The following AKAP8L variants were observed in gnomAD, a reference collection of about 807,000 sequenced individuals.
AKAP8L encodes the protein A-kinase anchor protein 8-like.
Under a neutral mutation model 77.5 loss-of-function variants are expected in AKAP8L, and 34 were observed. The ratio of observed to expected loss-of-function variants is 0.44; its 90% CI spans 0.33 to 0.58. The LOEUF (loss-of-function observed/expected upper bound fraction) is 0.58, where lower values mean the gene tolerates loss of function less well. Among genes scored for constraint, AKAP8L ranks in the 20% least tolerant of loss-of-function variants. The pLI is 0.02. For missense variants in AKAP8L, 806 were observed against 887.6 expected (o/e 0.91, Z 1.17); for synonymous variants, 342 against 340.7 (o/e 1.00, Z -0.04).
intron 12 of AKAP8L, among the ~76,000 whole-genome samples, chr19:15,385,671 C>T (rs556688623): frequency 2.6e-5 from 4 of 152,118 alleles, no homozygotes; most frequent in Admixed American, 6.5e-5. Flanking sequence ...ACGATCACAG[C>T]TCATTGCAGC....
Position 15,380,201 on chromosome 19 carries a change from C to T in AKAP8L, c.1862G>A (p.Gly621Glu). The change falls in exon 14 of 14, where the codon GGG becomes GAG. Residue 621 changes from glycine (G) to glutamate (E), a missense_variant. Physicochemically the swap from Gly to Glu is moderately conservative, Grantham distance 98 (BLOSUM62 -2). Around this residue, in one of 2 missense-constraint regions of AKAP8L, gnomAD observed 226 missense variants for 193.5 expected, o/e 1.17. Transcript: ENST00000397410. ...GCCGCGGATCTGGCGTTGCAGCGCC[C>T]CTCCCAGCAAGGGCACGGCGCCCTC... ...EEEGAVPLLG[G>E]ALQRQIRGIP... 2 of 1,507,932 alleles carry T rather than the reference C, an allele frequency of 1.3e-6. No individual in the cohort carries two copies. The highest frequency in any genetic ancestry group is 4.2e-5 in the Admixed American group (2 of 47,798). The allele number at this position is 1,507,932 out of a possible 1,614,324, so 93.4% of individuals were successfully genotyped here.
Position 15,401,743 on chromosome 19 carries a change from TAA to T in AKAP8L, c.363-142_363-141del. The T allele has an allele frequency of 1.4e-6, 1 of 689,754 alleles. No individual in the cohort carries two copies. The highest frequency in any genetic ancestry group is 2.9e-5 in the Admixed American group (1 of 34,296). 42.7% of individuals were successfully genotyped at this position (689,754 alleles called of 1,614,324 possible). A position where few individuals can be genotyped will look rare whatever the true frequency, so the allele number is the denominator to read the frequency against. On this transcript the variant is annotated intron_variant, in intron 4 of 13. Coordinates refer to ENST00000397410, the MANE Select transcript of AKAP8L (RefSeq NM_014371.4). The surrounding 1 kb of genome is among the most constrained non-coding windows in gnomAD (Gnocchi z 6.2). The stretch of plus-strand genomic sequence containing the variant: ...AGGCTCAATGTTCAGAAATGCCGAT[TAA>T]AGAGTTCCAGCCTCTCAGCTGATAT...
chr19:15,409,002 T>C (rs539535248), intron 2 of AKAP8L, among the ~76,000 whole-genome samples: 74 of 152,244 alleles, frequency 4.9e-4, no homozygotes, highest in Non-Finnish European at 1.0e-3. Context: ...GCACACCTTG[T>C]AGAAAAATTA....
At chr19:15,411,120 A>T (rs1413379376) in intron 1 of AKAP8L, among the ~76,000 whole-genome samples, 4 of 152,126 alleles carry the variant, frequency 2.6e-5, no homozygotes, top group Non-Finnish European at 5.9e-5. Context: ...GGCCCCAAAT[A>T]AAAATTTTTA....
In AKAP8L at chr19:15,401,017, G is replaced by T. The variant is rs748554800; in HGVS notation, c.843C>A (p.Gly281=). 3 of 1,613,726 alleles carry T rather than the reference G, an allele frequency of 1.9e-6. No homozygotes were observed. The highest frequency in any genetic ancestry group is 4.5e-5 in the East Asian group (2 of 44,874). The change falls in exon 6 of 14, where the codon GGC becomes GGA. Residue 281 remains glycine (G), a synonymous_variant. Coordinates refer to ENST00000397410, the MANE Select transcript of AKAP8L (RefSeq NM_014371.4). This position sits in a 1 kb window ranked among gnomAD's most constrained non-coding sequence, Gnocchi z 6.2. ...FRTKKKKRKQ[G]GSPDEPDSKA... is the part of the protein sequence containing the mutation. ...TGCTATCTGGCTCATCAGGACTGCCGCCCTGCTTTCTCTTCTTCTTCTTGG... is the reference window on the plus strand; with the variant it reads ...TGCTATCTGGCTCATCAGGACTGCCTCCCTGCTTTCTCTTCTTCTTCTTGG...
At chr19:15,389,050 TAA>T (rs71176409) in intron 12 of AKAP8L, among the ~76,000 whole-genome samples, 15 of 114,760 alleles carry the variant, frequency 1.3e-4, no homozygotes, top group Admixed American at 9.6e-5. Flanking sequence ...CCATCTCTAC[TAA>T]AAAAAAAAAA....
At chr19:15,395,133 C>G (rs34288466) in intron 12 of AKAP8L, among the ~76,000 whole-genome samples, 10 of 151,624 alleles carry the variant, frequency 6.6e-5, no homozygotes, top group Non-Finnish European at 1.5e-4. Context: ...GGGTTCACGC[C>G]ATTCTCCCAC....
chr19:15,394,670 A>G (rs1967732488), intron 12 of AKAP8L, among the ~76,000 whole-genome samples: 1 of 152,140 alleles, frequency 6.6e-6, no homozygotes, highest in Non-Finnish European at 1.5e-5. Flanking sequence ...TGGCTTCCCA[A>G]AGTGCTGGGA....
At chr19:15,400,181 A>G in intron 8 of AKAP8L, 114 bp downstream of exon 8, 3 of 1,092,062 alleles carry the variant, frequency 2.7e-6, no homozygotes, top group African/African-American at 3.1e-5. Flanking sequence ...CGGGCCCACA[A>G]GGGAGGTCCC....
At chr19:15,405,606 G>C (rs1264370098) in intron 2 of AKAP8L, among the ~76,000 whole-genome samples, 2 of 152,004 alleles carry the variant, frequency 1.3e-5, no homozygotes, top group Non-Finnish European at 2.9e-5. Flanking sequence ...GTTTGTACCA[G>C]GGACAGTGGG....
intron 2 of AKAP8L, among the ~76,000 whole-genome samples, chr19:15,409,949 CTTT>C (rs138482041): frequency 0.043 from 6,220 of 146,296 alleles, 179 homozygotes; most frequent in Middle Eastern, 0.13. Context: ...ATCCTTTGGA[CTTT>C]TTTTTTTTTG....
chr19:15,403,769 C>T lies in AKAP8L; in HGVS notation c.122-54G>A. On this transcript the variant is annotated intron_variant, in intron 3 of 13. Transcript: ENST00000397410. This position sits in a 1 kb window ranked among gnomAD's most constrained non-coding sequence, Gnocchi z 4.3. ...ATGGTGGGGGCAGGCAGAGGGGAGG[C>T]AGACAGAGACAGAGACAAACACAGA... 7.4e-7 allele frequency: 1 copy of T among 1,358,414 alleles called. No homozygotes were observed. The highest frequency in any genetic ancestry group is 1.0e-6 in the Non-Finnish European group (1 of 970,616). The allele number at this position is 1,358,414 out of a possible 1,614,324, so 84.1% of individuals were successfully genotyped here.
chr19:15,390,130 A>C (rs970347997), intron 12 of AKAP8L, among the ~76,000 whole-genome samples: 1 of 151,936 alleles, frequency 6.6e-6, no homozygotes, highest in African/African-American at 2.4e-5. Flanking sequence ...AAAACTAGTT[A>C]ACAGGCTGGG....
chr19:15,385,079 G>A lies in AKAP8L; in HGVS notation c.1537-4467C>T, dbSNP rs186700927. ...TGCAAGCTCCGCCTCCCGAGTTCAC[G>A]CCATTCTCCTGCCTCAGCCTCCCAA... On this transcript the variant is annotated intron_variant, in intron 12 of 13. Transcript: ENST00000397410. 4.8e-3 allele frequency among the ~76,000 whole-genome samples: 722 copies of A among 151,842 alleles called. 6 individuals are homozygous for A. Among genetic ancestry groups the A allele is most frequent in the African/African-American group, 0.016 (668 of 41,388 alleles).
chr19:15,395,178 T>C (rs951387286), intron 12 of AKAP8L, among the ~76,000 whole-genome samples: 1 of 151,870 alleles, frequency 6.6e-6, no homozygotes, highest in African/African-American at 2.4e-5. Context: ...TACATGCACC[T>C]GCCACCACGC....
chr19:15,407,043 C>G lies in AKAP8L; in HGVS notation c.89-3001G>C, dbSNP rs868270814. On this transcript the variant is annotated intron_variant, in intron 2 of 13. Transcript: ENST00000397410. ...AAGTGGGGCAGGCAGATCGCTTGAG[C>G]CCAGGAGTTTGAGACCAGCCTGGGC... Among the ~76,000 whole-genome samples the G allele has an allele frequency of 3.3e-5, 5 of 152,140 alleles. No individual in the cohort carries two copies. In the Middle Eastern group the frequency reaches 0.014, roughly 414 times the overall value.
intron 12 of AKAP8L, among the ~76,000 whole-genome samples, chr19:15,384,118 A>G (rs1967476384): frequency 6.6e-6 from 1 of 151,502 alleles, no homozygotes; most frequent in African/African-American, 2.4e-5. Flanking sequence ...TTTTTAGTAG[A>G]GACAGGGTTT....
At chr19:15,393,175 A>G (rs1967699667) in intron 12 of AKAP8L, among the ~76,000 whole-genome samples, 1 of 152,080 alleles carries the variant, frequency 6.6e-6, no homozygotes, top group Non-Finnish European at 1.5e-5. Flanking sequence ...ACCTCATACG[A>G]TATAAATAAA....
At position 15,398,887 on chromosome 19, in the gene AKAP8L, G is replaced by T; in HGVS notation, c.1157+415C>A. ...GAGGCTGCCACAGCCCACAGGTGCT[G>T]CCATCTCTCCTGGGCACGGCGGTGG... On this transcript the variant is annotated intron_variant, in intron 9 of 13. Coordinates refer to ENST00000397410, the MANE Select transcript of AKAP8L (RefSeq NM_014371.4). This position sits in a 1 kb window ranked among gnomAD's most constrained non-coding sequence, Gnocchi z 9.2. 1.2e-6 allele frequency: 1 copy of T among 856,756 alleles called. No homozygotes were observed. The highest frequency in any genetic ancestry group is 1.4e-6 in the Non-Finnish European group (1 of 692,786). 53.1% of individuals were successfully genotyped at this position (856,756 alleles called of 1,614,324 possible). A position where few individuals can be genotyped will look rare whatever the true frequency, so the allele number is the denominator to read the frequency against.
Sources: gnomAD v4.1 joint callset for allele counts (sites outside exome capture counted in the v4.1 genomes callset) on GRCh38, gnomAD v4.1.1 for gene constraint, gnomAD v4.1.1 regional missense constraint, Gnocchi (gnomAD v3.1) non-coding constraint, MANE v1.5 for transcripts, NCBI Gene and HGNC (gene_info 2026-07-23, HGNC 2026-07-21) for gene names.